Variants in SYT9 observed in about 807,000 individuals in gnomAD.
SYT9 encodes synaptotagmin 9.
In SYT9, 22 loss-of-function variants were observed where a neutral mutation model predicts 48.4. The ratio of observed to expected loss-of-function variants is 0.45; its 90% CI spans 0.32 to 0.65. The LOEUF is 0.65. Ranked by LOEUF, SYT9 falls within the 30% of genes least tolerant of loss-of-function variation. The pLI is 0.03. For missense variants in SYT9, 577 were observed against 622.0 expected (o/e 0.93, Z 0.77); for synonymous variants, 265 against 245.0 (o/e 1.08, Z -0.76).
intron 3 of SYT9, among the ~76,000 whole-genome samples, chr11:7,411,129 G>A (rs1847130218): frequency 6.6e-6 from 1 of 152,176 alleles, no homozygotes; most frequent in African/African-American, 2.4e-5. Flanking sequence ...TGCTAGGATT[G>A]CAGGTGTGAG....
At chr11:7,372,013 C>G (rs780233180) in intron 3 of SYT9, among the ~76,000 whole-genome samples, 2 of 152,080 alleles carry the variant, frequency 1.3e-5, no homozygotes, top group Non-Finnish European at 2.9e-5. Flanking sequence ...TTCTATTTCT[C>G]TTGGGTAAAT....
chr11:7,268,893 C>T (rs755306987), intron 1 of SYT9, among the ~76,000 whole-genome samples: 23 of 151,960 alleles, frequency 1.5e-4, no homozygotes, highest in Non-Finnish European at 2.9e-4. Context: ...TCTGTTAATC[C>T]CTGCCTCAGG....
rs1309421357 is a variant in SYT9, at chr11:7,303,058, G to C, written c.165G>C (p.Leu55=). 1.1e-5 allele frequency: 17 copies of C among 1,614,126 alleles called. No individual in the cohort carries two copies. The highest frequency in any genetic ancestry group is 1.3e-5 in the Non-Finnish European group (15 of 1,179,986). The change falls in exon 2 of 7, where the codon CTG becomes CTC. Residue 55 remains leucine (L), a synonymous_variant. Coordinates refer to ENST00000318881, the MANE Select transcript of SYT9 (RefSeq NM_175733.4). The part of the protein sequence containing the change: ...LRDPDISVSL[L]TLVVTACGLA... ...TTGCAGATATCTCAGTGAGCCTGCT[G>C]ACCCTTGTGGTCACTGCCTGTGGTC...
At chr11:7,455,351 T>TC (rs35399392) in intron 6 of SYT9, among the ~76,000 whole-genome samples, 10 of 141,956 alleles carry the variant, frequency 7.0e-5, no homozygotes, top group Non-Finnish European at 1.4e-4. Flanking sequence ...TTTTTTTTTT[T>TC]GAGACAGATT....
chr11:7,362,545 A>G (rs1478855683), intron 3 of SYT9, among the ~76,000 whole-genome samples: 1 of 152,184 alleles, frequency 6.6e-6, no homozygotes. Context: ...GGTGCCCCAA[A>G]CCCAATTGAA....
At position 7,295,987 on chromosome 11, in the gene SYT9, T is replaced by A. The variant is rs183030917; in HGVS notation, c.146-7052T>A. Among the ~76,000 whole-genome samples the A allele has an allele frequency of 4.5e-3, 688 of 152,318 alleles. 5 individuals are homozygous for A. Among genetic ancestry groups the A allele is most frequent in the African/African-American group, 0.015 (622 of 41,566 alleles). ...ACCTTTTGAGCACCTGACATTGGTT[T>A]GATGCCAGGCCATTTTTTAAAGCTG... On this transcript the variant is annotated intron_variant, in intron 1 of 6. Transcript: ENST00000318881.
In SYT9 at chr11:7,303,185, C is replaced by A. The variant is rs1848960243; in HGVS notation, c.292C>A (p.Pro98Thr). 2.5e-6 allele frequency: 4 copies of A among 1,614,022 alleles called. No homozygotes were observed. In the South Asian group the frequency reaches 4.4e-5, roughly 18 times the overall value. Reference sequence around the variant, plus strand: ...TGGTAGCAAAGACAACAACCAGGAGCCCCTTAACTACATGGACACAGAGAC... The same window carrying A: ...TGGTAGCAAAGACAACAACCAGGAGACCCTTAACTACATGGACACAGAGAC... The part of the protein sequence containing the change: ...PSGSKDNNQE[P>T]LNYMDTETNE... Residue 98 changes from proline (P) to threonine (T), a missense_variant, in exon 2 of 7, where the codon CCC becomes ACC. Pro to Thr is a conservative substitution (Grantham distance 38, BLOSUM62 -1). Transcript: ENST00000318881.
At chr11:7,391,735 T>TTAA (rs1447561624) in intron 3 of SYT9, among the ~76,000 whole-genome samples, 1 of 35,940 alleles carries the variant, frequency 2.8e-5, no homozygotes, top group African/African-American at 9.3e-5. Flanking sequence ...ACCCCATCTC[T>TTAA]AAAAAAAAAA....
chr11:7,413,324 A>G (rs1044493380), intron 3 of SYT9, among the ~76,000 whole-genome samples: 3 of 152,172 alleles, frequency 2.0e-5, no homozygotes, highest in South Asian at 2.1e-4. Context: ...AGGGCAAGAC[A>G]TAGTCCTTTA....
At chr11:7,328,506 C>A (rs906656434) in intron 3 of SYT9, among the ~76,000 whole-genome samples, 3 of 152,056 alleles carry the variant, frequency 2.0e-5, no homozygotes, top group South Asian at 2.1e-4. Flanking sequence ...ATTAAACCTC[C>A]GTCAAAACTA....
intron 6 of SYT9, chr11:7,437,602 ATATTTTTAGGACCCT>A (rs765258679): frequency 6.6e-6 from 1 of 151,972 alleles, no homozygotes; most frequent in African/African-American, 2.4e-5. Flanking sequence ...CCAACTGCCC[ATATTTTTAGGACCCT>A]CTAGAGTGAT....
At chr11:7,345,584 G>C (rs1272235562) in intron 3 of SYT9, among the ~76,000 whole-genome samples, 1 of 152,140 alleles carries the variant, frequency 6.6e-6, no homozygotes, top group Non-Finnish European at 1.5e-5. Flanking sequence ...ATTAGGTGAA[G>C]AATAGGCTGT....
chr11:7,367,072 CT>C (rs35502843), intron 3 of SYT9, among the ~76,000 whole-genome samples: 183 of 53,250 alleles, frequency 3.4e-3, no homozygotes, highest in Non-Finnish European at 5.8e-3. Flanking sequence ...AGGAGACCAT[CT>C]TTTTTTTTTT....
chr11:7,408,163 C>T (rs572835035), intron 3 of SYT9, among the ~76,000 whole-genome samples: 12 of 152,296 alleles, frequency 7.9e-5, no homozygotes, highest in African/African-American at 2.6e-4. Context: ...GAGTCTCGCT[C>T]TGTTGCCCAG....
At chr11:7,244,984 G>A (rs183188354) in intron 1 of SYT9, among the ~76,000 whole-genome samples, 12 of 152,336 alleles carry the variant, frequency 7.9e-5, no homozygotes, top group Admixed American at 4.6e-4. Flanking sequence ...AAAGGATTTT[G>A]ACCAATTGCA....
intron 3 of SYT9, among the ~76,000 whole-genome samples, chr11:7,366,410 C>T (rs550308883): frequency 6.6e-6 from 1 of 152,134 alleles, no homozygotes; most frequent in African/African-American, 2.4e-5. Context: ...TGAGGTCACT[C>T]TATGCATACT....
chr11:7,358,731 ATACATTAT>A, intron 3 of SYT9, among the ~76,000 whole-genome samples: 1 of 152,332 alleles, frequency 6.6e-6, no homozygotes, highest in Admixed American at 6.5e-5. Flanking sequence ...ATGTGGTGGA[ATACATTAT>A]TAGATTGTCT....
chr11:7,424,218 C>G (rs1271861803), intron 6 of SYT9, among the ~76,000 whole-genome samples: 2 of 152,162 alleles, frequency 1.3e-5, no homozygotes, highest in Non-Finnish European at 2.9e-5. Context: ...CCGTTTCTCT[C>G]GCAGGAATTC....
chr11:7,460,364 T>C (rs1003200413), intron 6 of SYT9, among the ~76,000 whole-genome samples: 5 of 152,186 alleles, frequency 3.3e-5, no homozygotes, highest in African/African-American at 1.2e-4. Context: ...ATAAATCTAG[T>C]GAGTAAAATT....
Sources: gnomAD v4.1 joint callset for allele counts (sites outside exome capture counted in the v4.1 genomes callset) on GRCh38, gnomAD v4.1.1 for gene constraint, MANE v1.5 for transcripts, NCBI Gene and HGNC (gene_info 2026-07-23, HGNC 2026-07-21) for gene names.